TNIK: variants seen among roughly 807,000 people sequenced by gnomAD.
The protein encoded by TNIK is TRAF2 and NCK-interacting protein kinase.
A neutral mutation model predicts 191.3 loss-of-function variants in TNIK; 49 were observed. The ratio of observed to expected loss-of-function variants is 0.26; its 90% CI spans 0.20 to 0.32. TNIK has a LOEUF of 0.32. TNIK is among the 10% of genes least tolerant of loss of function. TNIK has a pLI of 1.00. For missense variants in TNIK, 1,155 were observed against 1,702.3 expected, an observed-to-expected ratio of 0.68 and a Z score of 5.66; for synonymous variants, 594 against 600.9, an observed-to-expected ratio of 0.99 and a Z score of 0.17.
At chr3:171,124,682 T>TA (rs1159455035) in intron 17 of TNIK, among the ~76,000 whole-genome samples, 1 of 152,224 alleles carries the variant, frequency 6.6e-6, no homozygotes, top group African/African-American at 2.4e-5. Flanking sequence ...TCAATGCTAC[T>TA]ACCTGTTCAA....
intron 2 of TNIK, among the ~76,000 whole-genome samples, chr3:171,240,273 G>T (rs1222830912): frequency 6.6e-6 from 1 of 152,184 alleles, no homozygotes; most frequent in East Asian, 1.9e-4. Flanking sequence ...GTCTAGGAGA[G>T]AATTGACTAT....
At chr3:171,231,177 A>G (rs1439262610) in intron 2 of TNIK, among the ~76,000 whole-genome samples, 1 of 152,214 alleles carries the variant, frequency 6.6e-6, no homozygotes, top group Non-Finnish European at 1.5e-5. Flanking sequence ...GGCGGGATAA[A>G]AGTGACGTGT....
intron 1 of TNIK, among the ~76,000 whole-genome samples, chr3:171,407,864 G>GA (rs1298653552): frequency 6.6e-6 from 1 of 152,052 alleles, no homozygotes; most frequent in African/African-American, 2.4e-5. Flanking sequence ...TAACAGTCCA[G>GA]AAAAAAAGAC....
At chr3:171,277,529 A>G (rs1749899649) in intron 2 of TNIK, among the ~76,000 whole-genome samples, 1 of 152,226 alleles carries the variant, frequency 6.6e-6, no homozygotes, top group Admixed American at 6.5e-5. Flanking sequence ...AGAGAAAATA[A>G]TATTGTAAAT....
At chr3:171,330,338 G>A (rs191955236) in intron 2 of TNIK, among the ~76,000 whole-genome samples, 37 of 152,288 alleles carry the variant, frequency 2.4e-4, no homozygotes, top group Non-Finnish European at 2.9e-5. Flanking sequence ...ATGGACTACA[G>A]TATTCTTTAA....
At chr3:171,363,543 C>T (rs992741995) in intron 2 of TNIK, among the ~76,000 whole-genome samples, 1 of 152,142 alleles carries the variant, frequency 6.6e-6, no homozygotes, top group Non-Finnish European at 1.5e-5. Flanking sequence ...TAAAACACAC[C>T]ATTCTCCCAT....
At chr3:171,111,422 A>G (rs574348469) in intron 18 of TNIK, among the ~76,000 whole-genome samples, 1 of 152,314 alleles carries the variant, frequency 6.6e-6, no homozygotes, top group South Asian at 2.1e-4. Flanking sequence ...CTCAAAAAAT[A>G]AAAACATAAA....
intron 4 of TNIK, among the ~76,000 whole-genome samples, chr3:171,196,870 T>A (rs1395662429): frequency 6.6e-6 from 1 of 152,144 alleles, no homozygotes; most frequent in Non-Finnish European, 1.5e-5. Flanking sequence ...TTCTCCTGCC[T>A]CAGCCTCTCG....
chr3:171,317,476 G>A (rs187202216), intron 2 of TNIK, among the ~76,000 whole-genome samples: 24 of 152,158 alleles, frequency 1.6e-4, no homozygotes, highest in African/African-American at 2.2e-4. Context: ...AAAAGTCTTC[G>A]GTAATAATGC....
At chr3:171,384,876 G>A (rs997582227) in intron 1 of TNIK, among the ~76,000 whole-genome samples, 2 of 152,150 alleles carry the variant, frequency 1.3e-5, no homozygotes, top group South Asian at 2.1e-4. Context: ...TTAGCCTTTG[G>A]TGTCTTTTCC....
chr3:171,440,325 A>AT lies in TNIK; in HGVS notation c.57+19681dup, dbSNP rs532189147. Reference sequence around the variant, plus strand: ...AGGAACATTTTTCTACTCTATTCTAATTTTTTTTCAAAATCTGATTGCAAC... The same window carrying AT: ...AGGAACATTTTTCTACTCTATTCTAATTTTTTTTTCAAAATCTGATTGCAAC... On this transcript the variant is annotated intron_variant, in intron 1 of 32. Transcript: ENST00000436636. Among the ~76,000 whole-genome samples, 410 of 151,930 alleles carry AT rather than the reference A, an allele frequency of 2.7e-3. 1 individual carries two copies. The highest frequency in any genetic ancestry group is 4.0e-3 in the African/African-American group (167 of 41,412).
intron 12 of TNIK, among the ~76,000 whole-genome samples, chr3:171,153,189 C>A (rs9810566): frequency 0.44 from 66,733 of 151,930 alleles, 15,863 homozygotes; most frequent in African/African-American, 0.62. Context: ...CTTATGCTTG[C>A]ATACTAAATC....
intron 2 of TNIK, among the ~76,000 whole-genome samples, chr3:171,309,872 T>C (rs1753834431): frequency 6.6e-6 from 1 of 152,166 alleles, no homozygotes; most frequent in Non-Finnish European, 1.5e-5. Context: ...GCCCAGACTT[T>C]TCCTTTCTCT....
chr3:171,111,919 GGAGA>G (rs1293796656), intron 18 of TNIK, among the ~76,000 whole-genome samples: 1 of 152,210 alleles, frequency 6.6e-6, no homozygotes, highest in African/African-American at 2.4e-5. Flanking sequence ...GATCTAGGAA[GGAGA>G]GAGAATGGGA....
intron 7 of TNIK, among the ~76,000 whole-genome samples, chr3:171,181,368 C>T (rs550791103): frequency 4.6e-5 from 7 of 152,308 alleles, no homozygotes; most frequent in Admixed American, 2.0e-4. Flanking sequence ...CCTTTGCCTG[C>T]CCAACTTAGT....
intron 2 of TNIK, among the ~76,000 whole-genome samples, chr3:171,353,125 G>A (rs1214958675): frequency 1.3e-5 from 2 of 152,164 alleles, no homozygotes; most frequent in Non-Finnish European, 2.9e-5. Context: ...ACTAAAGGTG[G>A]CTGCTCTACT....
intron 4 of TNIK, among the ~76,000 whole-genome samples, chr3:171,210,255 A>G (rs1316004600): frequency 6.6e-6 from 1 of 152,236 alleles, no homozygotes; most frequent in African/African-American, 2.4e-5. Context: ...TGTAAAGTCC[A>G]GGCTTCCACT....
chr3:171,145,329 G>A (rs964951365), intron 12 of TNIK, among the ~76,000 whole-genome samples: 6 of 151,922 alleles, frequency 3.9e-5, no homozygotes, highest in Admixed American at 6.6e-5. Flanking sequence ...CTCATGATCC[G>A]CCCGCCTCGG....
chr3:171,368,179 A>G (rs9868027), intron 2 of TNIK, among the ~76,000 whole-genome samples: 13 of 152,342 alleles, frequency 8.5e-5, no homozygotes, highest in Admixed American at 7.8e-4. Context: ...GAATTAGTGT[A>G]CCAAGCTGTG....
Sources: gnomAD v4.1 joint callset for allele counts (sites outside exome capture counted in the v4.1 genomes callset) on GRCh38, gnomAD v4.1.1 for gene constraint, MANE v1.5 for transcripts, NCBI Gene and HGNC (gene_info 2026-07-23, HGNC 2026-07-21) for gene names.